Variants in DHX35 observed in about 807,000 individuals in gnomAD.
DHX35 encodes probable ATP-dependent RNA helicase DHX35.
A neutral mutation model predicts 99.6 loss-of-function variants in DHX35; 84 were observed. The ratio of observed to expected loss-of-function variants is 0.84; its 90% CI spans 0.71 to 1.01. The LOEUF is 1.01. Ranked by LOEUF, DHX35 falls within the 50% of genes least tolerant of loss-of-function variation. The pLI is 0.00. For missense variants in DHX35, 852 were observed against 888.5 expected, an observed-to-expected ratio of 0.96 and a Z score of 0.52; for synonymous variants, 331 against 316.2, an observed-to-expected ratio of 1.05 and a Z score of -0.50.
intron 7 of DHX35, among the ~76,000 whole-genome samples, chr20:38,992,905 A>G (rs1489428200): frequency 6.6e-6 from 1 of 152,174 alleles, no homozygotes; most frequent in Non-Finnish European, 1.5e-5. Flanking sequence ...AATCTGCTGC[A>G]TTTCTGTTTA....
At chr20:38,992,751 A>G (rs912008496) in intron 7 of DHX35, among the ~76,000 whole-genome samples, 1 of 152,148 alleles carries the variant, frequency 6.6e-6, no homozygotes, top group African/African-American at 2.4e-5. Context: ...TGTCATTTAA[A>G]TATTCTCTGA....
chr20:38,994,850 G>A lies in DHX35; in HGVS notation c.612G>A (p.Leu204=). 6.2e-7 allele frequency: 1 copy of A among 1,613,756 alleles called. No individual in the cohort carries two copies. The highest frequency in any genetic ancestry group is 8.5e-7 in the Non-Finnish European group (1 of 1,179,732). Residue 204 remains leucine (L), a synonymous_variant, in exon 8 of 22, where the codon TTG becomes TTA. Transcript: ENST00000252011. ...AGAAAAAGCGAGGGGATCTTCGATT[G>A]ATTGTAGCTTCAGCCACTCTGGATG... ...KIQKKRGDLR[L]IVASATLDAD...
Position 38,997,047 on chromosome 20 carries a change from T to TTTATTTAC in DHX35, c.642+2174_642+2175insCTTATTTA, listed in dbSNP as rs1281137264. Among the ~76,000 whole-genome samples the TTTATTTAC allele has an allele frequency of 2.8e-3, 239 of 84,930 alleles. 1 individual carries two copies. The highest frequency in any genetic ancestry group is 0.014 in the African/African-American group (226 of 16,646). The allele number at this position is 84,930 out of a possible 152,430, so 55.7% of individuals were successfully genotyped here. On this transcript the variant is annotated intron_variant, in intron 8 of 21. Coordinates refer to ENST00000252011, the MANE Select transcript of DHX35 (RefSeq NM_021931.4). ...TGTCCAAGTCTTTTCTTAGATTCAT[T>TTTATTTAC]TTATTTATTTATTTATTTATTTATT...
At chr20:38,970,585 G>T (rs1205936045) in intron 2 of DHX35, among the ~76,000 whole-genome samples, 2 of 152,216 alleles carry the variant, frequency 1.3e-5, no homozygotes, top group Non-Finnish European at 2.9e-5. Context: ...CCATTTGTGT[G>T]CTGTGTGACC....
chr20:39,019,796 G>A (rs1003705607), intron 15 of DHX35, among the ~76,000 whole-genome samples: 3 of 152,140 alleles, frequency 2.0e-5, no homozygotes, highest in African/African-American at 7.2e-5. Flanking sequence ...TGGTCACCAT[G>A]CAGTGCAATA....
chr20:39,003,797 C>A lies in DHX35; in HGVS notation c.901C>A (p.Leu301Ile). The A allele has an allele frequency of 6.2e-7, 1 of 1,614,210 alleles. No individual in the cohort carries two copies. Among genetic ancestry groups the A allele is most frequent in the Non-Finnish European group, 8.5e-7 (1 of 1,180,040 alleles). ...VSMLIEQARA[L>I]ARTGMKRHLR... is the part of the protein sequence containing the mutation. The stretch of plus-strand genomic sequence containing the variant: ...GATGCTCATCGAGCAGGCTCGAGCA[C>A]TAGCTCGCACTGGGATGAAGAGACA... The change falls in exon 11 of 22, where the codon CTA becomes ATA. Residue 301 changes from leucine to isoleucine, a missense_variant. Coordinates refer to ENST00000252011, the MANE Select transcript of DHX35 (RefSeq NM_021931.4).
At chr20:39,016,545 A>G (rs1304243727) in intron 14 of DHX35, among the ~76,000 whole-genome samples, 2 of 152,158 alleles carry the variant, frequency 1.3e-5, no homozygotes, top group African/African-American at 2.4e-5. Context: ...TCATTAGTTG[A>G]TAGACATTTG....
In DHX35 at chr20:39,014,931, G is replaced by A. The variant is rs754951766; in HGVS notation, c.1399G>A (p.Gly467Arg). 3 of 1,613,966 alleles carry A rather than the reference G, an allele frequency of 1.9e-6. No individual in the cohort carries two copies. Among genetic ancestry groups the A allele is most frequent in the Non-Finnish European group, 2.5e-6 (3 of 1,180,020 alleles). ...AGCCTTGGAGTTACTGTATGCTCTG[G>A]GAGGTATGCCAGTTTCTCTCATCAT... is the stretch of plus-strand genomic sequence containing the variant. ...VQALELLYAL[G>R]GLDKDCRLTE... Residue 467 changes from glycine (G) to arginine (R), a missense_variant, in exon 14 of 22, where the codon GGA (glycine) becomes AGA (arginine). Gly to Arg is a moderately radical substitution (Grantham distance 125). Coordinates refer to ENST00000252011, the MANE Select transcript of DHX35 (RefSeq NM_021931.4).
At chr20:38,979,705 G>A (rs1490831123) in intron 3 of DHX35, among the ~76,000 whole-genome samples, 1 of 152,112 alleles carries the variant, frequency 6.6e-6, no homozygotes. Flanking sequence ...GCAAGGATAC[G>A]GAGCAGGTTT....
chr20:39,024,346 G>T (rs560398744), intron 17 of DHX35, among the ~76,000 whole-genome samples: 1 of 152,082 alleles, frequency 6.6e-6, no homozygotes, highest in African/African-American at 2.4e-5. Flanking sequence ...GATGAAAAAA[G>T]TAACCTTACA....
intron 1 of DHX35, among the ~76,000 whole-genome samples, chr20:38,963,916 C>T (rs1482928657): frequency 6.6e-6 from 1 of 152,062 alleles, no homozygotes; most frequent in African/African-American, 2.4e-5. Context: ...CTGCAGTGCC[C>T]ATCATGTCTA....
intron 7 of DHX35, among the ~76,000 whole-genome samples, chr20:38,994,333 G>T (rs2086390170): frequency 6.6e-6 from 1 of 151,202 alleles, no homozygotes; most frequent in Non-Finnish European, 1.5e-5. Flanking sequence ...AGCTCATTTG[G>T]TCACTTCTCC....
At chr20:39,022,267 T>C (rs1184065064) in intron 16 of DHX35, among the ~76,000 whole-genome samples, 3 of 152,092 alleles carry the variant, frequency 2.0e-5, no homozygotes, top group African/African-American at 7.2e-5. Context: ...CAGGTTCAAG[T>C]GATGCTCCTG....
At chr20:39,037,732 G>T (rs1228477254) in intron 21 of DHX35, among the ~76,000 whole-genome samples, 1 of 152,192 alleles carries the variant, frequency 6.6e-6, no homozygotes, top group Non-Finnish European at 1.5e-5. Context: ...CAGTTGATGA[G>T]TGGAGGGAGG....
At chr20:39,002,900 C>CATGT in intron 10 of DHX35, 32 bp downstream of exon 10, 1 of 1,548,746 alleles carries the variant, frequency 6.5e-7, no homozygotes, top group East Asian at 2.2e-5. Context: ...GATGAATAGA[C>CATGT]ATGTTAAGAC....
chr20:39,003,697 G>T, intron 10 of DHX35, 52 bp from the exon 11 acceptor site: 1 of 1,569,726 alleles, frequency 6.4e-7, no homozygotes, highest in Non-Finnish European at 8.7e-7. Flanking sequence ...TGATAAAATA[G>T]CATGCTTTAA....
intron 12 of DHX35, among the ~76,000 whole-genome samples, 193 bp downstream of exon 12, chr20:39,006,549 G>C (rs564660519): frequency 8.5e-5 from 13 of 152,220 alleles, no homozygotes; most frequent in Non-Finnish European, 1.3e-4. Flanking sequence ...GTCCCCATTG[G>C]CCAAAGCTGG....
intron 11 of DHX35, among the ~76,000 whole-genome samples, chr20:39,004,161 C>A (rs931718463): frequency 1.3e-5 from 2 of 152,082 alleles, no homozygotes; most frequent in Admixed American, 1.3e-4. Flanking sequence ...CTCCCGGGTT[C>A]ACGCCATTCT....
At chr20:38,991,208 C>T (rs536490492) in intron 5 of DHX35, among the ~76,000 whole-genome samples, 2 of 152,258 alleles carry the variant, frequency 1.3e-5, no homozygotes, top group African/African-American at 4.8e-5. Flanking sequence ...AGCTGATGTT[C>T]CCATAATAAA....
Sources: gnomAD v4.1 joint callset for allele counts (sites outside exome capture counted in the v4.1 genomes callset) on GRCh38, gnomAD v4.1.1 for gene constraint, MANE v1.5 for transcripts, NCBI Gene and HGNC (gene_info 2026-07-23, HGNC 2026-07-21) for gene names.